The following ARHGEF4 variants were observed in gnomAD, a reference collection of about 807,000 sequenced individuals.
ARHGEF4 encodes the protein Rho guanine nucleotide exchange factor 4.
Under a neutral mutation model 162.0 loss-of-function variants are expected in ARHGEF4, and 119 were observed. The observed-to-expected ratio is 0.73, with a 90% CI of 0.63 to 0.86. The LOEUF (loss-of-function observed/expected upper bound fraction) is 0.86. Among genes scored for constraint, ARHGEF4 ranks in the 40% least tolerant of loss-of-function variants. The pLI, the probability that ARHGEF4 is intolerant of heterozygous loss-of-function variation, is 0.00. For missense variants in ARHGEF4, 2,488 were observed against 2,456.0 expected (o/e 1.01, Z -0.28); for synonymous variants, 1,014 against 979.9 (o/e 1.03, Z -0.65).
Position 131,027,994 on chromosome 2 carries a change from G to A in ARHGEF4, c.4035G>A (p.Gly1345=), listed in dbSNP as rs1004314808. 3 of 1,613,984 alleles carry A rather than the reference G, an allele frequency of 1.9e-6. No individual in the cohort carries two copies. The highest frequency in any genetic ancestry group is 2.5e-6 in the Non-Finnish European group (3 of 1,180,048). ...CAGCTGTCTGCGCTGACGAAGTGGG[G>A]AGCGAGGAGGACCTGTATGATGACC... is the stretch of plus-strand genomic sequence containing the variant. ...LDTAVCADEV[G]SEEDLYDDLH... The change falls in exon 5 of 14, where the codon GGG becomes GGA. Residue 1345 remains glycine (G), a synonymous_variant. Transcript: ENST00000409359.
intron 1 of ARHGEF4, among the ~76,000 whole-genome samples, chr2:130,871,390 G>A (rs769108288): frequency 6.6e-6 from 1 of 151,906 alleles, no homozygotes; most frequent in Non-Finnish European, 1.5e-5. Flanking sequence ...ACAAAAATTA[G>A]CCAGGCTTGG....
intron 4 of ARHGEF4, among the ~76,000 whole-genome samples, chr2:130,961,708 G>A (rs982119692): frequency 1.3e-5 from 2 of 152,070 alleles, no homozygotes; most frequent in Non-Finnish European, 2.9e-5. Flanking sequence ...AATGGAGTAA[G>A]AGAGAAACGG....
chr2:130,949,900 C>G lies in ARHGEF4; in HGVS notation c.3985+3265C>G, dbSNP rs139245357. Among the ~76,000 whole-genome samples, 446 of 152,168 alleles carry G rather than the reference C, an allele frequency of 2.9e-3. 2 individuals are homozygous for G. Among genetic ancestry groups the G allele is most frequent in the African/African-American group, 0.01 (432 of 41,498 alleles). On this transcript the variant is annotated intron_variant, in intron 4 of 13. Coordinates refer to ENST00000409359, the MANE Select transcript of ARHGEF4 (RefSeq NM_001367493.1). ...CTGACCTCAGGTGATCTGTTTGCCT[C>G]AGTTTCCCAAAGTGCTGGAATTACA... is the stretch of plus-strand genomic sequence containing the variant.
intron 1 of ARHGEF4, among the ~76,000 whole-genome samples, chr2:130,852,056 T>C (rs1181079537): frequency 3.9e-5 from 6 of 152,258 alleles, no homozygotes; most frequent in Non-Finnish European, 8.8e-5. Flanking sequence ...ACAGGTGTTA[T>C]TTTTACAGTG....
intron 6 of ARHGEF4, 174 bp from the exon 7 acceptor site, chr2:131,039,842 C>A: frequency 7.1e-7 from 1 of 1,412,174 alleles, no homozygotes; most frequent in Non-Finnish European, 9.2e-7. Context: ...CGTCATTCCT[C>A]GGTCCAGGAC....
At position 130,915,821 on chromosome 2, in the gene ARHGEF4, G is replaced by A. The variant is rs1054899228; in HGVS notation, c.1875G>A (p.Ser625=). ...QLEPKAGGEA[S]RGRGALIIVA... ...AGCCCAAAGCAGGCGGCGAGGCCTC[G>A]AGGGGCAGGGGCGCCCTCATCATTG... The change falls in exon 2 of 14, where the codon TCG becomes TCA. Residue 625 remains serine, a synonymous_variant. Coordinates refer to ENST00000409359, the MANE Select transcript of ARHGEF4 (RefSeq NM_001367493.1). 1 of 1,525,806 alleles carries A rather than the reference G, an allele frequency of 6.6e-7. No homozygotes were observed. Among genetic ancestry groups the A allele is most frequent in the African/African-American group, 1.4e-5 (1 of 72,112 alleles). 94.5% of individuals were successfully genotyped at this position (1,525,806 alleles called of 1,614,324 possible). A position where few individuals can be genotyped will look rare whatever the true frequency, so the allele number is the denominator to read the frequency against.
chr2:130,992,134 G>T (rs1055378264), intron 4 of ARHGEF4, among the ~76,000 whole-genome samples: 1 of 152,120 alleles, frequency 6.6e-6, no homozygotes, highest in South Asian at 2.1e-4. Flanking sequence ...TGATGGGGAC[G>T]AGGCGAACCT....
intron 1 of ARHGEF4, among the ~76,000 whole-genome samples, chr2:130,899,512 C>T (rs917708704): frequency 1.3e-5 from 2 of 152,176 alleles, no homozygotes; most frequent in Admixed American, 6.5e-5. Context: ...GCATGTGTGT[C>T]TGCTGTGCAG....
chr2:131,037,783 C>G (rs1001232084), intron 5 of ARHGEF4, among the ~76,000 whole-genome samples: 1 of 152,236 alleles, frequency 6.6e-6, no homozygotes, highest in Admixed American at 6.5e-5. Flanking sequence ...GAGCAAGGCA[C>G]TCTGCTGGTT....
At chr2:130,988,383 A>C (rs760205128) in intron 4 of ARHGEF4, among the ~76,000 whole-genome samples, 1 of 152,150 alleles carries the variant, frequency 6.6e-6, no homozygotes, top group Non-Finnish European at 1.5e-5. Context: ...TCCCCTATGA[A>C]ATGGTGGTGT....
chr2:130,847,627 G>A (rs536332625), intron 1 of ARHGEF4, among the ~76,000 whole-genome samples: 1 of 152,300 alleles, frequency 6.6e-6, no homozygotes, highest in African/African-American at 2.4e-5. Context: ...CCACCCCAAC[G>A]CTTGGCTCCG....
chr2:130,986,181 G>A (rs564903949), intron 4 of ARHGEF4, among the ~76,000 whole-genome samples: 3 of 151,724 alleles, frequency 2.0e-5, no homozygotes, highest in South Asian at 2.1e-4. Flanking sequence ...TGTGTTGCAC[G>A]TGCATGTGTG....
chr2:131,038,429 AGC>A (rs1344485731), intron 5 of ARHGEF4, among the ~76,000 whole-genome samples: 43 of 139,394 alleles, frequency 3.1e-4, no homozygotes, highest in African/African-American at 1.1e-3. Context: ...GCAGCCTTGC[AGC>A]GCCCAGCCTC....
At chr2:130,922,018 C>T (rs1681903403) in intron 2 of ARHGEF4, among the ~76,000 whole-genome samples, 1 of 151,584 alleles carries the variant, frequency 6.6e-6, no homozygotes, top group African/African-American at 2.4e-5. Context: ...TGCTTTTCAA[C>T]ACTCTGGATA....
intron 1 of ARHGEF4, among the ~76,000 whole-genome samples, chr2:130,888,272 GA>G (rs1348583908): frequency 6.6e-6 from 1 of 151,876 alleles, no homozygotes; most frequent in African/African-American, 2.4e-5. Flanking sequence ...ATCAGTTCAA[GA>G]CCAGCCTGGC....
chr2:130,856,557 C>T (rs1032739714), intron 1 of ARHGEF4, among the ~76,000 whole-genome samples: 2 of 152,098 alleles, frequency 1.3e-5, no homozygotes, highest in Admixed American at 1.3e-4. Flanking sequence ...TCGAGATTGC[C>T]AGTAAAAGTG....
At chr2:130,854,119 TA>T (rs1192505565) in intron 1 of ARHGEF4, among the ~76,000 whole-genome samples, 1 of 151,942 alleles carries the variant, frequency 6.6e-6, no homozygotes, top group African/African-American at 2.4e-5. Flanking sequence ...AAACGGTAAA[TA>T]AAAAAATTAT....
intron 4 of ARHGEF4, among the ~76,000 whole-genome samples, chr2:130,957,001 A>C (rs886837765): frequency 3.3e-5 from 5 of 152,116 alleles, no homozygotes; most frequent in Admixed American, 2.6e-4. Flanking sequence ...ATATAAATAC[A>C]TAAAAAATAA....
chr2:130,948,029 T>C (rs900477585), intron 4 of ARHGEF4, among the ~76,000 whole-genome samples: 1 of 152,188 alleles, frequency 6.6e-6, no homozygotes, highest in Non-Finnish European at 1.5e-5. Flanking sequence ...GAGCTGGCAG[T>C]GGAGGCTGTT....
Sources: gnomAD v4.1 joint callset for allele counts (sites outside exome capture counted in the v4.1 genomes callset) on GRCh38, gnomAD v4.1.1 for gene constraint, MANE v1.5 for transcripts, NCBI Gene and HGNC (gene_info 2026-07-23, HGNC 2026-07-21) for gene names.